Variants in UBE3B observed in about 807,000 individuals in gnomAD.
UBE3B encodes the protein ubiquitin-protein ligase E3B.
A neutral mutation model predicts 132.3 loss-of-function variants in UBE3B; 80 were observed. That is an observed-to-expected ratio of 0.60 (90% confidence interval 0.50 to 0.73). The LOEUF (loss-of-function observed/expected upper bound fraction) is 0.73, where lower values mean the gene tolerates loss of function less well. UBE3B is among the 30% of genes least tolerant of loss of function. The probability of loss-of-function intolerance (pLI) is 0.00; values close to 1 mark genes in which losing one functional copy is unlikely to be tolerated. For missense variants in UBE3B, 1,196 were observed against 1,362.5 expected (o/e 0.88, Z 1.92); for synonymous variants, 487 against 520.4 (o/e 0.94, Z 0.87).
chr12:109,531,606 C>T (rs1255120422), intron 26 of UBE3B, among the ~76,000 whole-genome samples: 1 of 152,152 alleles, frequency 6.6e-6, no homozygotes, highest in Non-Finnish European at 1.5e-5. Flanking sequence ...GGTTTCCTCT[C>T]TCCTGGGTGG....
intron 27 of UBE3B, chr12:109,533,951 G>C: frequency 7.6e-7 from 1 of 1,310,132 alleles, no homozygotes; most frequent in Admixed American, 2.3e-5. Context: ...CCAGCAGGCT[G>C]TGCACGTCCA....
chr12:109,496,505 A>G (rs1878224125), intron 9 of UBE3B, among the ~76,000 whole-genome samples: 1 of 152,224 alleles, frequency 6.6e-6, no homozygotes, highest in Non-Finnish European at 1.5e-5. Flanking sequence ...TCCCAGGAGT[A>G]GTGTTGTGTG....
At chr12:109,510,323 T>C in intron 16 of UBE3B, 21 bp from the exon 17 acceptor site, 2 of 1,577,228 alleles carry the variant, frequency 1.3e-6, no homozygotes, top group Non-Finnish European at 1.7e-6. Flanking sequence ...CCTCTGACTT[T>C]CCTGTTTGTT....
intron 19 of UBE3B, among the ~76,000 whole-genome samples, chr12:109,518,506 A>C (rs998804867): frequency 4.6e-5 from 7 of 152,158 alleles, no homozygotes; most frequent in African/African-American, 1.7e-4. Flanking sequence ...AAAAAGCCCA[A>C]TTGTGTGGTA....
chr12:109,531,615 G>A (rs1882946252), intron 26 of UBE3B, among the ~76,000 whole-genome samples: 1 of 152,118 alleles, frequency 6.6e-6, no homozygotes, highest in Non-Finnish European at 1.5e-5. Context: ...TCTCCTGGGT[G>A]GTCATTCTGA....
chr12:109,523,839 C>A, intron 21 of UBE3B, 139 bp from the exon 22 acceptor site: 1 of 1,207,016 alleles, frequency 8.3e-7, no homozygotes, highest in Non-Finnish European at 1.2e-6. Context: ...GGAGATACTG[C>A]CCTCCGGATT....
rs990933008 is a variant in UBE3B at position 109,534,967 on chromosome 12, C to G, written c.*185C>G. 1.4e-5 allele frequency: 6 copies of G among 425,190 alleles called. No homozygotes were observed. Among genetic ancestry groups the G allele is most frequent in the Non-Finnish European group, 2.4e-5 (6 of 245,972 alleles). 26.3% of individuals were successfully genotyped at this position (425,190 alleles called of 1,614,324 possible). A position where few individuals can be genotyped will look rare whatever the true frequency, so the allele number is the denominator to read the frequency against. On this transcript the variant is annotated 3_prime_UTR_variant, in exon 28 of 28. Coordinates refer to ENST00000342494, the MANE Select transcript of UBE3B (RefSeq NM_130466.4). This position sits in a 1 kb window ranked among gnomAD's most constrained non-coding sequence, Gnocchi z 5.2. ...CGCCCACGACAGCACTACACAGCAT[C>G]TCCAGGTGATGCCCAAGGCACAGGG... is the stretch of plus-strand genomic sequence containing the variant.
intron 7 of UBE3B, among the ~76,000 whole-genome samples, chr12:109,489,246 A>G (rs1019442871): frequency 3.3e-5 from 5 of 152,232 alleles, no homozygotes; most frequent in African/African-American, 1.2e-4. Flanking sequence ...CAGGCATTAA[A>G]TAGATGTCGC....
Position 109,483,601 on chromosome 12 carries a change from G to T in UBE3B, c.50G>T (p.Arg17Leu), listed in dbSNP as rs746633699. The T allele has an allele frequency of 1.2e-6, 2 of 1,611,912 alleles. No individual in the cohort carries two copies. The highest frequency in any genetic ancestry group is 1.7e-6 in the Non-Finnish European group (2 of 1,179,358). The change falls in exon 3 of 28, where the codon CGT (arginine) becomes CTT (leucine). Residue 17 changes from arginine to leucine, a missense_variant. Physicochemically the swap from Arg to Leu is moderately radical, Grantham distance 102. Transcript: ENST00000342494. ...TSRAWFIDRA[R>L]QAREERLVQK... ...AGAGCATGGTTCATCGATAGAGCCC[G>T]TCAGGCACGAGAAGAAAGGCTTGTG... is the stretch of plus-strand genomic sequence containing the variant.
intron 9 of UBE3B, among the ~76,000 whole-genome samples, chr12:109,495,836 G>C (rs1017603755): frequency 6.6e-6 from 1 of 152,230 alleles, no homozygotes; most frequent in African/African-American, 2.4e-5. Context: ...TTTCCACCCT[G>C]GGTGGGCCAG....
At chr12:109,533,350 G>A (rs1056344534) in intron 26 of UBE3B, 116 bp from the exon 27 acceptor site, 1 of 971,338 alleles carries the variant, frequency 1.0e-6, no homozygotes. Context: ...CGGCTGGCTA[G>A]ACAGCAGTTA....
In UBE3B at chr12:109,489,987, T is replaced by G. The variant is rs767667166; in HGVS notation, c.613T>G (p.Phe205Val). ...AATGGGACATCTCAACCAGCATGGA[T>G]TTTATTCTGTGCTGCAGGTCTGTGA... ...NIMGHLNQHG[F>V]YSVLQILLTR... The change falls in exon 8 of 28, where the codon TTT becomes GTT. Residue 205 changes from phenylalanine (F) to valine (V), a missense_variant. Transcript: ENST00000342494. The G allele has an allele frequency of 1.9e-6, 3 of 1,614,146 alleles. No individual in the cohort carries two copies. The highest frequency in any genetic ancestry group is 2.5e-6 in the Non-Finnish European group (3 of 1,180,004).
rs1340195261 is a variant in UBE3B, at chr12:109,535,750, C to G, written c.*968C>G. 6.6e-6 allele frequency: 1 copy of G among 152,302 alleles called. No homozygotes were observed. The highest frequency in any genetic ancestry group is 1.5e-5 in the Non-Finnish European group (1 of 68,088). The allele number at this position is 152,302 out of a possible 1,614,324, so 9.4% of individuals were successfully genotyped here. ...AACTTGGGTCTTGCTGCCCATCCTT[C>G]CTCAGCACAGGGAACCCGGAAGCCC... is the stretch of plus-strand genomic sequence containing the variant. On this transcript the variant is annotated 3_prime_UTR_variant, in exon 28 of 28. Transcript: ENST00000342494.
At chr12:109,527,079 G>C (rs1882422956) in intron 24 of UBE3B, among the ~76,000 whole-genome samples, 1 of 152,120 alleles carries the variant, frequency 6.6e-6, no homozygotes. Context: ...GGGAGGGGCA[G>C]ATCATTTTGG....
chr12:109,536,969 C>CA (rs1469141587), downstream of UBE3B, among the ~76,000 whole-genome samples: 1 of 152,184 alleles, frequency 6.6e-6, no homozygotes, highest in African/African-American at 2.4e-5. Flanking sequence ...CAGCTGTCAC[C>CA]ATAGGTTGGG....
chr12:109,507,812 A>ATCACATTAGCAATTAC, intron 15 of UBE3B, 77 bp downstream of exon 15: 4 of 1,487,610 alleles, frequency 2.7e-6, no homozygotes, highest in Non-Finnish European at 3.6e-6. Context: ...TAAGGAAGTA[A>ATCACATTAGCAATTAC]TTGCTAATGT....
downstream of UBE3B, among the ~76,000 whole-genome samples, chr12:109,539,095 GT>G (rs1883551706): frequency 6.6e-6 from 1 of 152,168 alleles, no homozygotes; most frequent in Admixed American, 6.5e-5. Flanking sequence ...AATGACCTGG[GT>G]GTGGTGGCGC....
chr12:109,490,129 A>G (rs1271754995), intron 8 of UBE3B, 125 bp downstream of exon 8: 1 of 994,704 alleles, frequency 1.0e-6, no homozygotes, highest in Admixed American at 1.9e-5. Flanking sequence ...GAAGAGCTTG[A>G]TGCCTGCTGT....
In UBE3B at chr12:109,511,840, G is replaced by A. The variant is rs148594038; in HGVS notation, c.1956+537G>A. Reference sequence around the variant, plus strand: ...GGAAGGTCATCTTGGCTGCAGCGTGGAGGGCTGGCTAGAGGCAGGGGTGTT... The same window carrying A: ...GGAAGGTCATCTTGGCTGCAGCGTGAAGGGCTGGCTAGAGGCAGGGGTGTT... On this transcript the variant is annotated intron_variant, in intron 18 of 27. Coordinates refer to ENST00000342494, the MANE Select transcript of UBE3B (RefSeq NM_130466.4). 1.1e-4 allele frequency among the ~76,000 whole-genome samples: 17 copies of A among 152,294 alleles called. No individual in the cohort carries two copies. The East Asian group carries it at 3.1e-3, about 28-fold the overall frequency.
Sources: gnomAD v4.1 joint callset for allele counts (sites outside exome capture counted in the v4.1 genomes callset) on GRCh38, gnomAD v4.1.1 for gene constraint, Gnocchi (gnomAD v3.1) non-coding constraint, MANE v1.5 for transcripts, NCBI Gene and HGNC (gene_info 2026-07-23, HGNC 2026-07-21) for gene names.